USP32: variants seen among roughly 807,000 people sequenced by gnomAD.
The protein encoded by USP32 is ubiquitin specific peptidase 32.
A neutral mutation model predicts 204.8 loss-of-function variants in USP32; 59 were observed. The observed-to-expected ratio is 0.29, with a 90% CI of 0.23 to 0.36. USP32 has a LOEUF of 0.36. Ranked by LOEUF, USP32 falls within the 10% of genes least tolerant of loss-of-function variation. The pLI, the probability that USP32 is intolerant of heterozygous loss-of-function variation, is 1.00. For missense variants in USP32, 1,160 were observed against 1,946.4 expected, an observed-to-expected ratio of 0.60 and a Z score of 7.60; for synonymous variants, 517 against 678.4, an observed-to-expected ratio of 0.76 and a Z score of 3.70.
intron 2 of USP32, among the ~76,000 whole-genome samples, chr17:60,343,333 A>G (rs2088705841): frequency 6.6e-6 from 1 of 152,176 alleles, no homozygotes; most frequent in African/African-American, 2.4e-5. Flanking sequence ...CTCCACCCCA[A>G]ATCAACAGAA....
At chr17:60,328,099 G>T (rs866102437) in intron 2 of USP32, among the ~76,000 whole-genome samples, 1 of 152,230 alleles carries the variant, frequency 6.6e-6, no homozygotes, top group African/African-American at 2.4e-5. Context: ...GCCAGGGAGG[G>T]CCTGAAGGCT....
intron 3 of USP32, among the ~76,000 whole-genome samples, chr17:60,295,130 A>G (rs1056959478): frequency 6.6e-6 from 1 of 152,214 alleles, no homozygotes; most frequent in Non-Finnish European, 1.5e-5. Context: ...AAAATCTAGT[A>G]AAGGTCAAGA....
intron 11 of USP32, among the ~76,000 whole-genome samples, chr17:60,251,093 C>T (rs2086154244): frequency 6.6e-6 from 1 of 151,778 alleles, no homozygotes; most frequent in Admixed American, 6.6e-5. Context: ...CAGGCGTGTA[C>T]CACCAAGCCT....
At chr17:60,243,908 A>G (rs1256056595) in intron 11 of USP32, among the ~76,000 whole-genome samples, 4 of 151,114 alleles carry the variant, frequency 2.6e-5, no homozygotes, top group African/African-American at 4.9e-5. Flanking sequence ...CCTAAAAGCC[A>G]TTTTCTTTTC....
rs761322634 is a variant in USP32 at position 60,345,550 on chromosome 17, T to C, written c.117A>G (p.Ser39=). 2 of 1,614,206 alleles carry C rather than the reference T, an allele frequency of 1.2e-6. No homozygotes were observed. The highest frequency in any genetic ancestry group is 1.1e-5 in the South Asian group (1 of 91,092). ...TGAAGCAGTGCTGGCCCATGTAATA[T>C]GAGAGTCCACAGGTCCTCTTGAAAG... The part of the protein sequence containing the change: ...KDAFKRTCGL[S]YYMGQHCFIR... Residue 39 remains serine, a synonymous_variant, in exon 2 of 34, where the codon TCA becomes TCG. Coordinates refer to ENST00000300896, the MANE Select transcript of USP32 (RefSeq NM_032582.4).
In USP32 at chr17:60,181,534, A is replaced by C; in HGVS notation, c.4338T>G (p.Ser1446Arg). 6.2e-7 allele frequency: 1 copy of C among 1,613,878 alleles called. No individual in the cohort carries two copies. The highest frequency in any genetic ancestry group is 8.5e-7 in the Non-Finnish European group (1 of 1,179,848). ...GQICELADAL[S>R]RGHVLGGSQP... Reference sequence around the variant, plus strand: ...GGCTGCCCCCCAGCACATGCCCTCGACTCAAGGCGTCAGCCAGCTCACATA... The same window carrying C: ...GGCTGCCCCCCAGCACATGCCCTCGCCTCAAGGCGTCAGCCAGCTCACATA... Residue 1446 changes from serine to arginine, a missense_variant, in exon 32 of 34, where the codon AGT becomes AGG. By Grantham distance (110) the Ser-to-Arg change is moderately radical (BLOSUM62 -1). This residue lies in a region of USP32 where 244 missense variants were observed against 342.3 expected (regional missense o/e 0.71). Coordinates refer to ENST00000300896, the MANE Select transcript of USP32 (RefSeq NM_032582.4).
At chr17:60,255,990 A>C (rs891510528) in intron 9 of USP32, among the ~76,000 whole-genome samples, 1 of 152,180 alleles carries the variant, frequency 6.6e-6, no homozygotes, top group African/African-American at 2.4e-5. Flanking sequence ...TTGCAGAATC[A>C]CTGAAGTGTA....
chr17:60,187,973 T>C (rs2084291254), intron 29 of USP32, among the ~76,000 whole-genome samples: 1 of 152,256 alleles, frequency 6.6e-6, no homozygotes, highest in South Asian at 2.1e-4. Flanking sequence ...TTAATTTTCT[T>C]TTTTTCTTTC....
chr17:60,274,562 T>A (rs1300891812), intron 5 of USP32, among the ~76,000 whole-genome samples: 3 of 151,948 alleles, frequency 2.0e-5, no homozygotes, highest in Non-Finnish European at 2.9e-5. Context: ...ACAAAAGAAC[T>A]AAGATAATAA....
intron 12 of USP32, among the ~76,000 whole-genome samples, chr17:60,234,821 C>A (rs2085678556): frequency 6.6e-6 from 1 of 152,028 alleles, no homozygotes; most frequent in African/African-American, 2.4e-5. Flanking sequence ...AGGTGATCCC[C>A]CTATCTGGGC....
intron 2 of USP32, among the ~76,000 whole-genome samples, chr17:60,308,789 G>T (rs1254258596): frequency 1.3e-5 from 2 of 152,134 alleles, no homozygotes; most frequent in Non-Finnish European, 2.9e-5. Context: ...TTAGCTGAGC[G>T]TGGTGGCGCA....
rs1163579004 is a variant in USP32, at chr17:60,311,231, T to C, written c.187-9527A>G. Among the ~76,000 whole-genome samples, 6 of 152,180 alleles carry C rather than the reference T, an allele frequency of 3.9e-5. No individual in the cohort carries two copies. The South Asian group carries it at 1.2e-3, about 32-fold the overall frequency. ...TATTTCCAAATTATGAATGGATTAG[T>C]GATCACATGTACCCCCCAAAAAATG... On this transcript the variant is annotated intron_variant, in intron 2 of 33. Transcript: ENST00000300896.
intron 12 of USP32, chr17:60,231,766 T>C (rs941804564): frequency 3.4e-6 from 1 of 289,898 alleles, no homozygotes; most frequent in Non-Finnish European, 7.2e-6. Context: ...ATACACATTA[T>C]GTAATGTAAT....
intron 18 of USP32, among the ~76,000 whole-genome samples, chr17:60,212,781 C>A (rs1183506781): frequency 6.7e-6 from 1 of 149,736 alleles, no homozygotes; most frequent in Non-Finnish European, 1.5e-5. Context: ...TTGAGACAGT[C>A]TGGCTTTGTC....
intron 31 of USP32, among the ~76,000 whole-genome samples, chr17:60,182,023 G>T (rs183133071): frequency 9.5e-4 from 144 of 152,230 alleles, no homozygotes; most frequent in African/African-American, 3.1e-3. Context: ...GTCAGATTCA[G>T]TTGAAAAAAA....
chr17:60,219,681 C>T lies in USP32; in HGVS notation c.1856G>A (p.Trp619Ter). 6.2e-7 allele frequency: 1 copy of T among 1,608,408 alleles called. No individual in the cohort carries two copies. The highest frequency in any genetic ancestry group is 8.5e-7 in the Non-Finnish European group (1 of 1,177,840). The stretch of plus-strand genomic sequence containing the variant: ...CAGGCTCATCATACCCATATTCACC[C>T]AGATGTTAGACTGCTGTGTCCGAGT... ...PATRTQQSNIWVNMGNVPSPN... is the reference protein window; with the variant it reads ...PATRTQQSNI Residue 619 changes from tryptophan (W) to a stop codon, truncating the protein, a stop_gained, in exon 16 of 34, where the codon TGG becomes TAG. Transcript: ENST00000300896. LOFTEE classifies it high-confidence loss of function.
intron 2 of USP32, among the ~76,000 whole-genome samples, chr17:60,342,974 T>C (rs1193203646): frequency 6.6e-6 from 1 of 152,146 alleles, no homozygotes; most frequent in Non-Finnish European, 1.5e-5. Context: ...GGTACCTCAG[T>C]TGGAAATGCA....
chr17:60,301,622 C>T lies in USP32; in HGVS notation c.269G>A (p.Gly90Asp). The change falls in exon 3 of 34, where the codon GGC becomes GAC. Residue 90 changes from glycine (G) to aspartate (D), a missense_variant. Coordinates refer to ENST00000300896, the MANE Select transcript of USP32 (RefSeq NM_032582.4). ...LIVGLVLLTR[G>D]KDEEKAKYIF... ...ACATTTTGCTTTCTCTTCATCTTTG[C>T]CTCTTGTAAGGAGGACAAGTCCAAC... 1 of 1,590,000 alleles carries T rather than the reference C, an allele frequency of 6.3e-7. No individual in the cohort carries two copies. Among genetic ancestry groups the T allele is most frequent in the South Asian group, 1.2e-5 (1 of 85,970 alleles).
intron 1 of USP32, among the ~76,000 whole-genome samples, chr17:60,401,124 C>G (rs2089931454): frequency 6.6e-6 from 1 of 151,702 alleles, no homozygotes; most frequent in East Asian, 1.9e-4. Flanking sequence ...CCACTGCACT[C>G]CAACCTGGGT....
Sources: gnomAD v4.1 joint callset for allele counts (sites outside exome capture counted in the v4.1 genomes callset) on GRCh38, gnomAD v4.1.1 for gene constraint, gnomAD v4.1.1 regional missense constraint, MANE v1.5 for transcripts, NCBI Gene and HGNC (gene_info 2026-07-23, HGNC 2026-07-21) for gene names.